Variants in ITPR1 observed in about 807,000 individuals in gnomAD.
ITPR1 encodes the protein inositol 1,4,5-trisphosphate receptor type 1.
In ITPR1, 96 loss-of-function variants were observed where a neutral mutation model predicts 318.4. The observed-to-expected ratio is 0.30, with a 90% CI of 0.26 to 0.36. The LOEUF (loss-of-function observed/expected upper bound fraction) is 0.36, where lower values mean the gene tolerates loss of function less well. Among genes scored for constraint, ITPR1 ranks in the 10% least tolerant of loss-of-function variants. The pLI is 1.00. For missense variants in ITPR1, 2,440 were observed against 3,460.2 expected, an observed-to-expected ratio of 0.71 and a Z score of 7.40; for synonymous variants, 1,312 against 1,289.9, an observed-to-expected ratio of 1.02 and a Z score of -0.37.
Position 4,806,118 on chromosome 3 carries a change from A to G in ITPR1, c.7123A>G (p.Ile2375Val), listed in dbSNP as rs777957075. Residue 2375 changes from isoleucine to valine, a missense_variant, in exon 55 of 62, where the codon ATC (isoleucine) becomes GTC (valine). Ile to Val is a conservative substitution (Grantham distance 29). This residue lies in a region of ITPR1 where 126 missense variants were observed against 150.8 expected (regional missense o/e 0.84). Transcript: ENST00000649015. Reference protein sequence around the residue: ...LGAFNVCNKIIFLMSFVGNCG... With the variant: ...LGAFNVCNKIVFLMSFVGNCG... ...TTGTTCTCAGGTATGCAATAAAATC[A>G]TCTTTCTAATGAGCTTTGTGGGCAA... 7.4e-6 allele frequency: 12 copies of G among 1,613,834 alleles called. No homozygotes were observed. Among genetic ancestry groups the G allele is most frequent in the Non-Finnish European group, 1.0e-5 (12 of 1,179,780 alleles).
At position 4,693,580 on chromosome 3, in the gene ITPR1, C is replaced by T. The variant is rs768105337; in HGVS notation, c.4120C>T (p.Arg1374Trp). The part of the protein sequence containing the change: ...LIQMMRSERD[R>W]MDENSPLMYH... ...CCAGATGATGCGGTCAGAACGGGAT[C>T]GGATGGATGAGAACAGCCCTCTCAT... The change falls in exon 33 of 62, where the codon CGG (arginine) becomes TGG (tryptophan). Residue 1374 changes from arginine (R) to tryptophan (W), a missense_variant. By Grantham distance (101) the Arg-to-Trp change is moderately radical (BLOSUM62 -3). Transcript: ENST00000649015. 6.8e-6 allele frequency: 11 copies of T among 1,613,882 alleles called. No homozygotes were observed. Among genetic ancestry groups the T allele is most frequent in the African/African-American group, 2.7e-5 (2 of 74,926 alleles).
At chr3:4,536,225 A>G (rs1206635200) in intron 4 of ITPR1, among the ~76,000 whole-genome samples, 2 of 152,066 alleles carry the variant, frequency 1.3e-5, no homozygotes, top group East Asian at 3.8e-4. Context: ...TTGAACTTCT[A>G]TTGTTGTATC....
Position 4,645,456 on chromosome 3 carries a change from G to A in ITPR1, c.694G>A (p.Asp232Asn), listed in dbSNP as rs1446490041. 5.0e-6 allele frequency: 8 copies of A among 1,612,724 alleles called. No individual in the cohort carries two copies. The highest frequency in any genetic ancestry group is 2.2e-5 in the South Asian group (2 of 91,004). Residue 232 changes from aspartate to asparagine, a missense_variant, in exon 9 of 62, where the codon GAC (aspartate) becomes AAC (asparagine). Transcript: ENST00000649015. ...CATGAAATGGAGTGATAACAAAGAC[G>A]ACATATTAAAGGGGGTGAGTTTGAT... ...LFMKWSDNKD[D>N]ILKGGDVVRL...
chr3:4,632,696 A>G (rs2093050510), intron 5 of ITPR1, among the ~76,000 whole-genome samples: 1 of 151,750 alleles, frequency 6.6e-6, no homozygotes, highest in South Asian at 2.1e-4. Flanking sequence ...TGTGCTCTAT[A>G]TGTTATGTTT....
At chr3:4,802,551 C>T (rs984453988) in intron 54 of ITPR1, among the ~76,000 whole-genome samples, 3 of 151,880 alleles carry the variant, frequency 2.0e-5, no homozygotes, top group East Asian at 1.9e-4. Context: ...GGCTGGGCAC[C>T]GTGGCTCAAG....
At chr3:4,791,940 T>A (rs990096523) in intron 52 of ITPR1, among the ~76,000 whole-genome samples, 2 of 152,206 alleles carry the variant, frequency 1.3e-5, no homozygotes, top group African/African-American at 4.8e-5. Flanking sequence ...ACAACATACG[T>A]TGATTATCTT....
intron 44 of ITPR1, among the ~76,000 whole-genome samples, chr3:4,748,062 C>A (rs547616269): frequency 2.0e-5 from 3 of 152,146 alleles, no homozygotes; most frequent in Non-Finnish European, 4.4e-5. Flanking sequence ...CAGCACTGTG[C>A]GTGGAGCCAG....
intron 44 of ITPR1, among the ~76,000 whole-genome samples, chr3:4,737,752 A>C (rs960123324): frequency 6.6e-6 from 1 of 152,222 alleles, no homozygotes; most frequent in African/African-American, 2.4e-5. Context: ...ACCTGAACTT[A>C]AATCTCTGAT....
chr3:4,839,596 G>A (rs1256323947), intron 61 of ITPR1, among the ~76,000 whole-genome samples: 1 of 152,138 alleles, frequency 6.6e-6, no homozygotes, highest in Non-Finnish European at 1.5e-5. Context: ...CAGAAGTCAA[G>A]TCGCATCATA....
intron 19 of ITPR1, 40 bp downstream of exon 19, chr3:4,669,813 T>A (rs2094033588): frequency 6.4e-7 from 1 of 1,566,512 alleles, no homozygotes; most frequent in Non-Finnish European, 8.7e-7. Flanking sequence ...AACATGGGGT[T>A]CATTCAGTGT....
At chr3:4,552,019 T>C (rs780821436) in intron 4 of ITPR1, among the ~76,000 whole-genome samples, 2 of 152,244 alleles carry the variant, frequency 1.3e-5, no homozygotes, top group Non-Finnish European at 2.9e-5. Context: ...AGTAATCCCA[T>C]TTGTATTTTT....
intron 2 of ITPR1, among the ~76,000 whole-genome samples, chr3:4,512,077 T>C (rs2081871697): frequency 6.6e-6 from 1 of 152,126 alleles, no homozygotes. Flanking sequence ...AGCCTGGAGC[T>C]CCCAGGCTCA....
intron 4 of ITPR1, among the ~76,000 whole-genome samples, chr3:4,603,363 T>C (rs894351269): frequency 6.6e-6 from 1 of 152,106 alleles, no homozygotes; most frequent in Non-Finnish European, 1.5e-5. Flanking sequence ...ACCCAATAGG[T>C]AGTTTTTCAG....
chr3:4,631,544 T>C (rs2093015761), intron 5 of ITPR1, among the ~76,000 whole-genome samples: 1 of 152,140 alleles, frequency 6.6e-6, no homozygotes, highest in Admixed American at 6.5e-5. Context: ...CGGAATTATA[T>C]TTTGGGGATT....
chr3:4,655,582 G>A (rs192528889), intron 12 of ITPR1, among the ~76,000 whole-genome samples: 13 of 152,308 alleles, frequency 8.5e-5, no homozygotes, highest in African/African-American at 3.1e-4. Flanking sequence ...GGGCTGCACA[G>A]CAGTGTATAA....
At chr3:4,778,330 C>A (rs552224884) in intron 48 of ITPR1, among the ~76,000 whole-genome samples, 1 of 152,302 alleles carries the variant, frequency 6.6e-6, no homozygotes, top group South Asian at 2.1e-4. Flanking sequence ...TGAGATTTGT[C>A]CTCTATCTGC....
At chr3:4,578,489 TGTGTGTGTGCATATACATATATATA>T (rs2088929728) in intron 4 of ITPR1, among the ~76,000 whole-genome samples, 1 of 152,116 alleles carries the variant, frequency 6.6e-6, no homozygotes, top group Admixed American at 6.6e-5. Flanking sequence ...ATTGTGTGTG[TGTGTGTGTGCATATACATATATATA>T]GTGTGTGTGC....
chr3:4,806,610 G>C (rs1049480132), intron 55 of ITPR1, among the ~76,000 whole-genome samples: 1 of 152,218 alleles, frequency 6.6e-6, no homozygotes, highest in Non-Finnish European at 1.5e-5. Context: ...CTTACACCAA[G>C]AGGAGTGTTT....
chr3:4,752,224 T>C (rs1212037961), intron 44 of ITPR1, among the ~76,000 whole-genome samples: 1 of 152,190 alleles, frequency 6.6e-6, no homozygotes, highest in Non-Finnish European at 1.5e-5. Flanking sequence ...ATGTTTTTAT[T>C]AGCCTCCTTG....
Sources: allele counts gnomAD v4.1 joint callset (sites outside exome capture counted in the v4.1 genomes callset), GRCh38; gene constraint gnomAD v4.1.1; regional missense constraint gnomAD v4.1.1; transcripts MANE v1.5; gene names NCBI Gene and HGNC (gene_info 2026-07-23, HGNC 2026-07-21).